RASGEF1C: variants seen among roughly 807,000 people sequenced by gnomAD.
RASGEF1C encodes ras-GEF domain-containing family member 1C.
A neutral mutation model predicts 58.1 loss-of-function variants in RASGEF1C; 27 were observed. That is an observed-to-expected ratio of 0.46 (90% CI 0.34 to 0.64). The LOEUF is 0.64. Ranked by LOEUF, RASGEF1C falls within the 30% of genes least tolerant of loss-of-function variation. The pLI is 0.01. For missense variants in RASGEF1C, 502 were observed against 605.1 expected (o/e 0.83, Z 1.79); for synonymous variants, 243 against 246.3 (o/e 0.99, Z 0.13).
chr5:180,109,458 A>AG (rs1734106106), intron 12 of RASGEF1C, among the ~76,000 whole-genome samples: 1 of 151,244 alleles, frequency 6.6e-6, no homozygotes, highest in South Asian at 2.1e-4. Flanking sequence ...ACTCCGTCTC[A>AG]AAAAAAAATA....
Position 180,155,521 on chromosome 5 carries a change from C to T in RASGEF1C, c.-6-17463G>A, listed in dbSNP as rs1419186015. On this transcript the variant is annotated intron_variant, in intron 1 of 13. Coordinates refer to ENST00000361132, the MANE Select transcript of RASGEF1C (RefSeq NM_175062.4). The surrounding 1 kb of genome is among the most constrained non-coding windows in gnomAD (Gnocchi z 5.2). ...TTTTTGGGCTCCATATGGCCTTCAA[C>T]TCCTGCTGACAGATCCCGCTGTCTC... Among the ~76,000 whole-genome samples, 2 of 152,174 alleles carry T rather than the reference C, an allele frequency of 1.3e-5. No individual in the cohort carries two copies. Among genetic ancestry groups the T allele is most frequent in the Non-Finnish European group, 2.9e-5 (2 of 68,022 alleles).
intron 1 of RASGEF1C, among the ~76,000 whole-genome samples, chr5:180,163,231 C>CTTCTTTTTTTTTTCT: frequency 5.1e-5 from 1 of 19,478 alleles, no homozygotes; most frequent in African/African-American, 1.3e-4. Context: ...CACCCCCTCA[C>CTTCTTTTTTTTTTCT]TTTTTTTTTT....
At chr5:180,105,748 A>G (rs534176557) in intron 12 of RASGEF1C, among the ~76,000 whole-genome samples, 89 of 151,424 alleles carry the variant, frequency 5.9e-4, no homozygotes, top group African/African-American at 2.1e-3. Flanking sequence ...CACGCCTGTA[A>G]TCCCAGTGAC....
chr5:180,112,457 C>T (rs2113242098), intron 11 of RASGEF1C, among the ~76,000 whole-genome samples: 1 of 152,336 alleles, frequency 6.6e-6, no homozygotes, highest in East Asian at 1.9e-4. Context: ...ACCCCCAGCC[C>T]CTCTCTGGGC....
intron 6 of RASGEF1C, among the ~76,000 whole-genome samples, chr5:180,121,935 G>T (rs1269484138): frequency 1.3e-5 from 2 of 152,102 alleles, no homozygotes; most frequent in Non-Finnish European, 2.9e-5. Context: ...TAATTTCATT[G>T]CTGAGAAAGG....
chr5:180,194,002 GTGTTTGTT>G (rs60364777), intron 1 of RASGEF1C, among the ~76,000 whole-genome samples: 4 of 148,746 alleles, frequency 2.7e-5, no homozygotes, highest in African/African-American at 5.0e-5. Context: ...ATTCTGTATG[GTGTTTGTT>G]TGTTTGTTTG....
chr5:180,190,550 A>C (rs1424171631), intron 1 of RASGEF1C, among the ~76,000 whole-genome samples: 1 of 137,814 alleles, frequency 7.3e-6, no homozygotes, highest in Non-Finnish European at 1.6e-5. Context: ...ACGGTGGTAC[A>C]TGCCTGTGGC....
At chr5:180,207,630 G>GTCTGT (rs775230665) in intron 1 of RASGEF1C, among the ~76,000 whole-genome samples, 5,088 of 128,298 alleles carry the variant, frequency 0.04, 123 homozygotes, top group East Asian at 0.12. Flanking sequence ...TCCCTCTCTC[G>GTCTGT]CCTGCCCTCC....
In RASGEF1C at chr5:180,195,491, T is replaced by C. The variant is rs184861227; in HGVS notation, c.-7+13537A>G. Among the ~76,000 whole-genome samples, 451 of 152,330 alleles carry C rather than the reference T, an allele frequency of 3.0e-3. 2 individuals carry two copies. The highest frequency in any genetic ancestry group is 8.1e-3 in the Admixed American group (124 of 15,310). ...CAAAAAGCACAAGGGCCGGGCACGG[T>C]GGCTCACGCCTGTAATCCCAGCACT... On this transcript the variant is annotated intron_variant, in intron 1 of 13. Transcript: ENST00000361132.
intron 1 of RASGEF1C, among the ~76,000 whole-genome samples, chr5:180,189,563 A>G (rs925046839): frequency 1.3e-5 from 2 of 152,194 alleles, no homozygotes; most frequent in African/African-American, 4.8e-5. Flanking sequence ...TCACAAATAT[A>G]TATGGTCAAG....
chr5:180,139,447 G>T (rs778784094), intron 1 of RASGEF1C, among the ~76,000 whole-genome samples: 1 of 152,196 alleles, frequency 6.6e-6, no homozygotes, highest in Non-Finnish European at 1.5e-5. Context: ...ACAGAGGGAC[G>T]TGGTGGGTCA....
chr5:180,111,571 C>T lies in RASGEF1C; in HGVS notation c.1189G>A (p.Glu397Lys), dbSNP rs555870924. Residue 397 changes from glutamate to lysine, a missense_variant, in exon 12 of 14, where the codon GAG becomes AAG. Physicochemically the swap from Glu to Lys is moderately conservative, Grantham distance 56 (BLOSUM62 1). Transcript: ENST00000361132. ...AACTCCCCCACCTGCTTGGCCAGCT[C>T]CAGGAATTTCTGCCAGGGTCACAGA... ...NGHVNFEKFL[E>K]LAKQVGEFIT... The T allele has an allele frequency of 6.2e-7, 1 of 1,614,052 alleles. No homozygotes were observed. The highest frequency in any genetic ancestry group is 8.5e-7 in the Non-Finnish European group (1 of 1,180,010).
At chr5:180,206,952 A>AT (rs921590285) in intron 1 of RASGEF1C, among the ~76,000 whole-genome samples, 8 of 152,252 alleles carry the variant, frequency 5.3e-5, no homozygotes, top group African/African-American at 1.9e-4. Flanking sequence ...AAGGAAGAAG[A>AT]TGCAGGGGTG....
chr5:180,182,702 C>T (rs946440350), intron 1 of RASGEF1C, among the ~76,000 whole-genome samples: 7 of 152,156 alleles, frequency 4.6e-5, no homozygotes, highest in African/African-American at 1.7e-4. Context: ...TAGCTAGACA[C>T]AGAGCACTGA....
chr5:180,142,509 G>C (rs1766595994), intron 1 of RASGEF1C, among the ~76,000 whole-genome samples: 1 of 152,168 alleles, frequency 6.6e-6, no homozygotes, highest in South Asian at 2.1e-4. Context: ...GGAAAGAAAG[G>C]CCCTTGCTTC....
intron 1 of RASGEF1C, among the ~76,000 whole-genome samples, chr5:180,182,204 C>CAAAAAAAAAAAAAAAAAA (rs1156831010): frequency 1.8e-4 from 4 of 22,770 alleles, no homozygotes; most frequent in Non-Finnish European, 1.6e-4. Context: ...GACTCCGTCT[C>CAAAAAAAAAAAAAAAAAA]AAAAAAAAAA....
At chr5:180,140,752 C>T (rs1169280427) in intron 1 of RASGEF1C, among the ~76,000 whole-genome samples, 1 of 152,208 alleles carries the variant, frequency 6.6e-6, no homozygotes, top group African/African-American at 2.4e-5. Flanking sequence ...TCCAGCCTGC[C>T]TGGAATGGGC....
In RASGEF1C at chr5:180,198,003, G is replaced by C. The variant is rs2127563812; in HGVS notation, c.-7+11025C>G. Among the ~76,000 whole-genome samples, 1 of 152,320 alleles carries C rather than the reference G, an allele frequency of 6.6e-6. No individual in the cohort carries two copies. The highest frequency in any genetic ancestry group is 1.9e-4 in the East Asian group (1 of 5,178). On this transcript the variant is annotated intron_variant, in intron 1 of 13. Coordinates refer to ENST00000361132, the MANE Select transcript of RASGEF1C (RefSeq NM_175062.4). This position sits in a 1 kb window ranked among gnomAD's most constrained non-coding sequence, Gnocchi z 4.5. Reference sequence around the variant, plus strand: ...GGAAGGCATTGAACTGGCAACAGCGGTGCCTGAGTTAGCGTATTCCAAATT... The same window carrying C: ...GGAAGGCATTGAACTGGCAACAGCGCTGCCTGAGTTAGCGTATTCCAAATT...
At chr5:180,136,357 G>A (rs780724893) in intron 4 of RASGEF1C, 21 bp downstream of exon 4, 16 of 1,547,680 alleles carry the variant, frequency 1.0e-5, no homozygotes, top group Non-Finnish European at 1.4e-5. Flanking sequence ...AGGGTGACGC[G>A]ACCCCCGCCC....
Sources: allele counts gnomAD v4.1 joint callset (sites outside exome capture counted in the v4.1 genomes callset), GRCh38; gene constraint gnomAD v4.1.1; non-coding constraint Gnocchi (gnomAD v3.1); transcripts MANE v1.5; gene names NCBI Gene and HGNC (gene_info 2026-07-23, HGNC 2026-07-21).